KLHL32: variants seen among roughly 807,000 people sequenced by gnomAD.
KLHL32 encodes the protein kelch-like protein 32.
A neutral mutation model predicts 64.8 loss-of-function variants in KLHL32; 35 were observed. The observed-to-expected ratio is 0.54, with a 90% CI of 0.41 to 0.72. The LOEUF (loss-of-function observed/expected upper bound fraction) is 0.72, where lower values mean the gene tolerates loss of function less well. Among genes scored for constraint, KLHL32 ranks in the 30% least tolerant of loss-of-function variants. The pLI, the probability that KLHL32 is intolerant of heterozygous loss-of-function variation, is 0.00. For synonymous variants in KLHL32, 259 were observed against 281.0 expected (o/e 0.92, Z 0.78); for missense variants, 589 against 768.5 (o/e 0.77, Z 2.76).
the KLHL32 span, among the ~76,000 whole-genome samples, chr6:96,912,033 A>T: frequency 6.6e-6 from 1 of 151,728 alleles, no homozygotes; most frequent in Non-Finnish European, 1.5e-5. Flanking sequence ...CTTTATAGAG[A>T]TGTCTTCCCA....
intron 2 of KLHL32, among the ~76,000 whole-genome samples, chr6:96,968,589 G>A (rs1011591377): frequency 2.0e-5 from 3 of 152,056 alleles, no homozygotes; most frequent in African/African-American, 7.2e-5. Context: ...CTGCCATCCC[G>A]TTCTTATTAA....
At chr6:97,049,597 A>C (rs147910319) in intron 4 of KLHL32, among the ~76,000 whole-genome samples, 12 of 151,756 alleles carry the variant, frequency 7.9e-5, no homozygotes, top group East Asian at 1.9e-4. Flanking sequence ...GCGGGGGGGA[A>C]CTACTTTATT....
chr6:97,077,627 G>T (rs1011091851), intron 5 of KLHL32, among the ~76,000 whole-genome samples: 1 of 152,098 alleles, frequency 6.6e-6, no homozygotes, highest in African/African-American at 2.4e-5. Flanking sequence ...AGATAGCATC[G>T]CAAGGGACTT....
intron 3 of KLHL32, among the ~76,000 whole-genome samples, chr6:97,022,662 G>T (rs1245171826): frequency 6.6e-6 from 1 of 151,568 alleles, no homozygotes; most frequent in Non-Finnish European, 1.5e-5. Context: ...TAGAGATGGG[G>T]TTTCATCATG....
At chr6:97,074,560 T>C (rs1486618788) in intron 5 of KLHL32, among the ~76,000 whole-genome samples, 2 of 151,886 alleles carry the variant, frequency 1.3e-5, no homozygotes, top group South Asian at 4.2e-4. Context: ...CTCACTCTTA[T>C]TCGTAATAAT....
In KLHL32 at chr6:97,109,804, A is replaced by G. The variant is rs147568320; in HGVS notation, c.628-3979A>G. Among the ~76,000 whole-genome samples, 715 of 152,322 alleles carry G rather than the reference A, an allele frequency of 4.7e-3. 17 individuals carry two copies. Among genetic ancestry groups the G allele is most frequent in the East Asian group, 0.025 (131 of 5,178 alleles). On this transcript the variant is annotated intron_variant, in intron 6 of 10. Coordinates refer to ENST00000369261, the MANE Select transcript of KLHL32 (RefSeq NM_052904.4). ...TCTAGTGCTGTTTCCGGTAGTATCT[A>G]TGTGGATGCAGAACTGTAAGGATAT...
intron 3 of KLHL32, among the ~76,000 whole-genome samples, chr6:96,985,580 C>CT: frequency 6.6e-6 from 1 of 152,094 alleles, no homozygotes; most frequent in South Asian, 2.1e-4. Flanking sequence ...TCTTTTTATT[C>CT]TTTTTTCTCT....
chr6:97,068,622 G>T (rs985263935), intron 5 of KLHL32, among the ~76,000 whole-genome samples: 2 of 152,156 alleles, frequency 1.3e-5, no homozygotes, highest in African/African-American at 2.4e-5. Flanking sequence ...ATACAGTTTT[G>T]TCTTGGGCTG....
chr6:97,073,312 A>G (rs1791051147), intron 5 of KLHL32, among the ~76,000 whole-genome samples: 1 of 152,198 alleles, frequency 6.6e-6, no homozygotes, highest in Non-Finnish European at 1.5e-5. Context: ...GCTGAAATGC[A>G]TACATTGTTT....
chr6:96,981,989 G>A (rs900099140), intron 3 of KLHL32, among the ~76,000 whole-genome samples: 1 of 152,060 alleles, frequency 6.6e-6, no homozygotes, highest in East Asian at 1.9e-4. Flanking sequence ...CAATTTCAGA[G>A]TATGTGCCAT....
chr6:96,920,079 A>G (rs1233666865), upstream of KLHL32, among the ~76,000 whole-genome samples: 4 of 152,234 alleles, frequency 2.6e-5, no homozygotes, highest in African/African-American at 7.2e-5. Context: ...AAACCCGATG[A>G]GGAAGAGTGA....
chr6:96,998,167 A>G (rs1282987166), intron 3 of KLHL32, among the ~76,000 whole-genome samples: 2 of 152,222 alleles, frequency 1.3e-5, no homozygotes, highest in South Asian at 2.1e-4. Context: ...CTTAAAAACT[A>G]AAATTAAAAA....
chr6:97,125,722 G>A (rs2128218965), intron 7 of KLHL32, among the ~76,000 whole-genome samples: 1 of 152,262 alleles, frequency 6.6e-6, no homozygotes, highest in Admixed American at 6.5e-5. Flanking sequence ...GTTGCAGTGA[G>A]CCGAGGTTGC....
chr6:96,902,429 TACTTTTTAATTGGATTATTTGTTTG>T, the KLHL32 span, among the ~76,000 whole-genome samples: 1 of 152,196 alleles, frequency 6.6e-6, no homozygotes, highest in Non-Finnish European at 1.5e-5. Flanking sequence ...GTTCTTTGCA[TACTTTTTAATTGGATTATTTGTTTG>T]TTTCTTGTAA....
At chr6:96,912,149 C>T in the KLHL32 span, among the ~76,000 whole-genome samples, 1 of 152,178 alleles carries the variant, frequency 6.6e-6, no homozygotes, top group Admixed American at 6.5e-5. Context: ...TGGTGGCCAT[C>T]ACCTCCTCCC....
intron 3 of KLHL32, among the ~76,000 whole-genome samples, chr6:96,980,286 T>C (rs562656219): frequency 1.3e-5 from 2 of 152,298 alleles, no homozygotes; most frequent in South Asian, 4.1e-4. Context: ...CAGTATGATG[T>C]TGGTGTGGGT....
At chr6:96,968,218 G>A (rs929180991) in intron 2 of KLHL32, among the ~76,000 whole-genome samples, 1 of 152,114 alleles carries the variant, frequency 6.6e-6, no homozygotes, top group African/African-American at 2.4e-5. Flanking sequence ...ATGGTGGATG[G>A]TTTTGCCACC....
chr6:97,077,203 G>T (rs1167451844), intron 5 of KLHL32, among the ~76,000 whole-genome samples: 1 of 152,158 alleles, frequency 6.6e-6, no homozygotes, highest in Non-Finnish European at 1.5e-5. Context: ...AATCTGATCT[G>T]GGTTGTCCCG....
At chr6:97,011,852 T>C (rs929393298) in intron 3 of KLHL32, among the ~76,000 whole-genome samples, 4 of 152,340 alleles carry the variant, frequency 2.6e-5, no homozygotes, top group African/African-American at 7.2e-5. Context: ...GAAAGGAAGG[T>C]AAACTGGCGT....
Sources: gnomAD v4.1 joint callset for allele counts (sites outside exome capture counted in the v4.1 genomes callset) on GRCh38, gnomAD v4.1.1 for gene constraint, MANE v1.5 for transcripts, NCBI Gene and HGNC (gene_info 2026-07-23, HGNC 2026-07-21) for gene names.